Variants in SLC39A11 observed in about 807,000 individuals in gnomAD.
SLC39A11 encodes solute carrier family 39 member 11, also known as zinc transporter ZIP11.
Under a neutral mutation model 36.1 loss-of-function variants are expected in SLC39A11, and 33 were observed. The ratio of observed to expected loss-of-function variants is 0.91; its 90% CI spans 0.69 to 1.22. The LOEUF is 1.22. SLC39A11 is among the 50% of genes most tolerant of loss of function. The probability of loss-of-function intolerance (pLI) is 0.00; values close to 1 mark genes in which losing one functional copy is unlikely to be tolerated. For synonymous variants in SLC39A11, 166 were observed against 170.3 expected, an observed-to-expected ratio of 0.97 and a Z score of 0.20; for missense variants, 432 against 430.3, an observed-to-expected ratio of 1.00 and a Z score of -0.03.
intron 7 of SLC39A11, among the ~76,000 whole-genome samples, chr17:72,729,730 C>T (rs2074138919): frequency 6.6e-6 from 1 of 151,598 alleles, no homozygotes; most frequent in African/African-American, 2.4e-5. Flanking sequence ...CTGCCCTTAT[C>T]ATCCCCTTAC....
rs534704630 is a variant in SLC39A11 at position 72,783,627 on chromosome 17, G to A, written c.602-46908C>T. On this transcript the variant is annotated intron_variant, in intron 6 of 9. Transcript: ENST00000255559. ...AGCTATTGATCTGGAAGTTATCAGC[G>A]TATGGATGGTGTGAAGCCGTGGGGG... Among the ~76,000 whole-genome samples, 84 of 152,316 alleles carry A rather than the reference G, an allele frequency of 5.5e-4. No homozygotes were observed. In the South Asian group the frequency reaches 0.013, roughly 23 times the overall value.
chr17:73,029,215 T>C (rs2058664778), intron 4 of SLC39A11, among the ~76,000 whole-genome samples: 1 of 151,462 alleles, frequency 6.6e-6, no homozygotes, highest in Non-Finnish European at 1.5e-5. Context: ...GCTGACCAAA[T>C]ACATCTGATA....
Position 73,088,769 on chromosome 17 carries a change from G to T in SLC39A11, c.-5C>A. ...AGAGCTGTGGCCTTGGAGCATGCTGGATACAGCTGTGCAAGAGGAGCGAGA... is the reference window on the plus strand; with the variant it reads ...AGAGCTGTGGCCTTGGAGCATGCTGTATACAGCTGTGCAAGAGGAGCGAGA... On this transcript the variant is annotated 5_prime_UTR_variant, in exon 2 of 10. Transcript: ENST00000255559. 1 of 1,596,882 alleles carries T rather than the reference G, an allele frequency of 6.3e-7. No homozygotes were observed.
intron 6 of SLC39A11, among the ~76,000 whole-genome samples, chr17:72,755,185 T>A (rs2075323709): frequency 6.6e-6 from 1 of 152,214 alleles, no homozygotes; most frequent in Non-Finnish European, 1.5e-5. Flanking sequence ...AAACAGCTGC[T>A]GGGATCACAG....
In SLC39A11 at chr17:72,669,393, T is replaced by A. The variant is rs566301975; in HGVS notation, c.672-20125A>T. 3.9e-5 allele frequency among the ~76,000 whole-genome samples: 6 copies of A among 152,318 alleles called. No homozygotes were observed. In the South Asian group the frequency reaches 8.3e-4, roughly 21 times the overall value. On this transcript the variant is annotated intron_variant, in intron 7 of 9. Coordinates refer to ENST00000255559, the MANE Select transcript of SLC39A11 (RefSeq NM_139177.4). The stretch of plus-strand genomic sequence containing the variant: ...CTCCTTTGCCTCCCCTACTTTGCAA[T>A]AATGTTTCAGTCTTTCCTTGATTTT...
At chr17:72,673,047 A>G (rs985422095) in intron 7 of SLC39A11, among the ~76,000 whole-genome samples, 1 of 152,232 alleles carries the variant, frequency 6.6e-6, no homozygotes, top group African/African-American at 2.4e-5. Flanking sequence ...CCCGGCCCTT[A>G]AAAGAAACAG....
intron 6 of SLC39A11, among the ~76,000 whole-genome samples, chr17:72,806,246 C>CT (rs1372653101): frequency 6.6e-6 from 1 of 152,112 alleles, no homozygotes; most frequent in Non-Finnish European, 1.5e-5. Flanking sequence ...CAACTGCTTC[C>CT]TAAGGAAGGG....
At chr17:72,851,775 A>C (rs1281387446) in intron 5 of SLC39A11, among the ~76,000 whole-genome samples, 1 of 152,184 alleles carries the variant, frequency 6.6e-6, no homozygotes, top group Non-Finnish European at 1.5e-5. Context: ...CTATTTCTAT[A>C]CTTTATTTCC....
At chr17:73,087,811 C>T (rs1362669298) in intron 2 of SLC39A11, among the ~76,000 whole-genome samples, 4 of 151,750 alleles carry the variant, frequency 2.6e-5, no homozygotes, top group Non-Finnish European at 5.9e-5. Context: ...GGGCCAGGGA[C>T]ATGGGTCTGT....
chr17:72,754,296 A>G (rs1321117107), intron 6 of SLC39A11, among the ~76,000 whole-genome samples: 5 of 152,052 alleles, frequency 3.3e-5, no homozygotes, highest in Admixed American at 6.6e-5. Context: ...GACTTGGGAA[A>G]GGGTGGGAAG....
At chr17:72,880,856 T>A (rs530910225) in intron 5 of SLC39A11, among the ~76,000 whole-genome samples, 45 of 150,322 alleles carry the variant, frequency 3.0e-4, no homozygotes, top group Middle Eastern at 6.8e-3. Context: ...TAATCTTTTG[T>A]ATTTTTAGTA....
chr17:72,732,223 C>CA (rs1345963741), intron 7 of SLC39A11, among the ~76,000 whole-genome samples: 1 of 151,338 alleles, frequency 6.6e-6, no homozygotes, highest in Non-Finnish European at 1.5e-5. Context: ...TTTTGTAGGC[C>CA]AAGCCGGTCT....
chr17:72,801,016 G>A (rs2077066713), intron 6 of SLC39A11, among the ~76,000 whole-genome samples: 1 of 152,310 alleles, frequency 6.6e-6, no homozygotes, highest in South Asian at 2.1e-4. Flanking sequence ...ACACAGGTAC[G>A]TCTTGCTAAC....
chr17:73,082,470 AT>A (rs879610893), intron 3 of SLC39A11, among the ~76,000 whole-genome samples: 5 of 151,920 alleles, frequency 3.3e-5, no homozygotes, highest in East Asian at 3.9e-4. Context: ...TTTTTATTTG[AT>A]TTTTTTCTTT....
chr17:72,967,927 G>A (rs559226730), intron 4 of SLC39A11, among the ~76,000 whole-genome samples: 1 of 152,152 alleles, frequency 6.6e-6, no homozygotes, highest in Admixed American at 6.5e-5. Flanking sequence ...TTCCACCCTC[G>A]GTTGTTACAA....
intron 1 of SLC39A11, among the ~76,000 whole-genome samples, chr17:73,090,341 G>C (rs2060883840): frequency 6.6e-6 from 1 of 152,110 alleles, no homozygotes; most frequent in African/African-American, 2.4e-5. Flanking sequence ...TCAGACTCTA[G>C]TTCCCGCACT....
chr17:72,901,883 C>T (rs2082408310), intron 5 of SLC39A11, among the ~76,000 whole-genome samples: 2 of 152,132 alleles, frequency 1.3e-5, no homozygotes, highest in Non-Finnish European at 2.9e-5. Flanking sequence ...GCTAGGGCCT[C>T]CCTGGGGAAC....
chr17:72,815,710 T>A (rs994095055), intron 6 of SLC39A11, among the ~76,000 whole-genome samples: 13 of 152,150 alleles, frequency 8.5e-5, no homozygotes, highest in Admixed American at 8.5e-4. Context: ...TCACTTGAGA[T>A]CAGGAGTTTG....
chr17:72,818,190 T>G (rs2145499200), intron 6 of SLC39A11, among the ~76,000 whole-genome samples: 1 of 152,194 alleles, frequency 6.6e-6, no homozygotes, highest in African/African-American at 2.4e-5. Flanking sequence ...CATAAAGCAG[T>G]TTATATCACC....
Sources: allele counts gnomAD v4.1 joint callset (sites outside exome capture counted in the v4.1 genomes callset), GRCh38; gene constraint gnomAD v4.1.1; transcripts MANE v1.5; gene names NCBI Gene and HGNC (gene_info 2026-07-23, HGNC 2026-07-21).